Variants in CLIC5 observed in about 807,000 individuals in gnomAD.
CLIC5 encodes the protein chloride intracellular channel protein 5.
CLIC5 carries 20 observed loss-of-function variants against 24.7 expected under a neutral mutation model. The observed-to-expected ratio is 0.81, with a 90% CI of 0.57 to 1.18. The LOEUF (loss-of-function observed/expected upper bound fraction) is 1.18. Ranked by LOEUF, CLIC5 falls within the 50% of genes most tolerant of loss-of-function variation. The pLI is 0.00. For missense variants in CLIC5, 341 were observed against 326.1 expected, an observed-to-expected ratio of 1.05 and a Z score of -0.35; for synonymous variants, 159 against 135.6, an observed-to-expected ratio of 1.17 and a Z score of -1.20.
At position 45,900,441 on chromosome 6, in the gene CLIC5, T is replaced by TCACCACAC. The variant is rs1168086198; in HGVS notation, c.*2639_*2646dup. On this transcript the variant is annotated 3_prime_UTR_variant, in exon 6 of 6. Transcript: ENST00000339561. ...GTTGTTCTTGGGACACCTAAGGACC[T>TCACCACAC]CACCACACTGTTGCTGAGACATGAT... 6.7e-6 allele frequency: 1 copy of TCACCACAC among 150,232 alleles called. No homozygotes were observed. The highest frequency in any genetic ancestry group is 2.5e-5 in the African/African-American group (1 of 40,480). The allele number at this position is 150,232 out of a possible 1,614,324, so 9.3% of individuals were successfully genotyped here.
Position 46,015,468 on chromosome 6 carries a change from A to AC in CLIC5, c.63+11dup. 6.6e-7 allele frequency: 1 copy of AC among 1,516,730 alleles called. No individual in the cohort carries two copies. The highest frequency in any genetic ancestry group is 8.8e-7 in the Non-Finnish European group (1 of 1,130,438). The allele number at this position is 1,516,730 out of a possible 1,614,324, so 94.0% of individuals were successfully genotyped here. A position where few individuals can be genotyped will look rare whatever the true frequency, so the allele number is the denominator to read the frequency against. On this transcript the variant is annotated intron_variant, in intron 1 of 5. Transcript: ENST00000339561. ...CGCGGCAGGTGCGGCGGGAGACTGGACCCCGACCTACCTTCACAAAGAGCT... is the reference window on the plus strand; with the variant it reads ...CGCGGCAGGTGCGGCGGGAGACTGGACCCCCGACCTACCTTCACAAAGAGCT...
chr6:46,025,719 AC>A (rs200972202), intron 1 of CLIC5, among the ~76,000 whole-genome samples: 1 of 152,186 alleles, frequency 6.6e-6, no homozygotes, highest in Non-Finnish European at 1.5e-5. Flanking sequence ...CTGTGTCCCC[AC>A]CCAAATCTCA....
At chr6:46,060,062 A>G (rs1312213905) in intron 1 of CLIC5, among the ~76,000 whole-genome samples, 1 of 152,212 alleles carries the variant, frequency 6.6e-6, no homozygotes, top group Non-Finnish European at 1.5e-5. Flanking sequence ...CAAATATTAA[A>G]AATAAAAAAA....
At chr6:45,887,694 G>T (rs1217075155) in intron 6 of CLIC5, among the ~76,000 whole-genome samples, 1 of 152,134 alleles carries the variant, frequency 6.6e-6, no homozygotes, top group Non-Finnish European at 1.5e-5. Context: ...CTCAGCTTAG[G>T]GTTCACCCTC....
chr6:46,121,455 C>T, the CLIC5 span, among the ~76,000 whole-genome samples: 382 of 145,514 alleles, frequency 2.6e-3, 10 homozygotes, highest in East Asian at 0.058. Context: ...AAGGAACAAC[C>T]GGTACCAGCC....
At chr6:45,939,404 G>T (rs1764053341) in intron 4 of CLIC5, among the ~76,000 whole-genome samples, 1 of 151,418 alleles carries the variant, frequency 6.6e-6, no homozygotes, top group African/African-American at 2.4e-5. Context: ...AGTGGAGACG[G>T]GGGTCTCAGA....
chr6:45,973,701 G>A (rs1765279145), intron 1 of CLIC5, among the ~76,000 whole-genome samples: 1 of 152,200 alleles, frequency 6.6e-6, no homozygotes, highest in Non-Finnish European at 1.5e-5. Context: ...CACTTTGGGA[G>A]GCCGAGGCGG....
chr6:45,988,465 A>G (rs1237403997), intron 1 of CLIC5, among the ~76,000 whole-genome samples: 1 of 152,154 alleles, frequency 6.6e-6, no homozygotes, highest in Non-Finnish European at 1.5e-5. Context: ...TACACTCAGG[A>G]TAATGTTTGA....
At position 46,055,360 on chromosome 6, in the gene CLIC5, C is replaced by T. The variant is rs147996143; in HGVS notation, c.540+24343G>A. Reference sequence around the variant, plus strand: ...TCAGGTGATCTGCCCACTTCAGCCTCCCAAAGTGCTGGGAAAACAGGCGTG... The same window carrying T: ...TCAGGTGATCTGCCCACTTCAGCCTTCCAAAGTGCTGGGAAAACAGGCGTG... On this transcript the variant is annotated intron_variant, in intron 1 of 5. Coordinates refer to the CLIC5 transcript ENST00000185206. 4.4e-3 allele frequency among the ~76,000 whole-genome samples: 674 copies of T among 152,266 alleles called. 6 individuals carry two copies. The highest frequency in any genetic ancestry group is 0.015 in the African/African-American group (641 of 41,540).
At chr6:45,928,516 A>G (rs1763592531) in intron 4 of CLIC5, among the ~76,000 whole-genome samples, 1 of 152,230 alleles carries the variant, frequency 6.6e-6, no homozygotes, top group Non-Finnish European at 1.5e-5. Context: ...CAACTGTGAT[A>G]CTTTCAACCT....
intron 1 of CLIC5, among the ~76,000 whole-genome samples, chr6:45,969,796 GT>G (rs397779323): frequency 0.023 from 2,417 of 105,272 alleles, 43 homozygotes; most frequent in African/African-American, 0.059. Context: ...TCACATCAAG[GT>G]TTTTTTTTTT....
Position 46,023,268 on chromosome 6 carries a change from C to A in CLIC5, c.540+56435G>T, listed in dbSNP as rs78612051. On this transcript the variant is annotated intron_variant, in intron 1 of 5. Coordinates refer to the CLIC5 transcript ENST00000185206. ...TAGAGCTCACCATGTGTTGGGAACT[C>A]TGAAGTCCTTATTAGCTCACTTCAT... is the stretch of plus-strand genomic sequence containing the variant. 2.6e-4 allele frequency among the ~76,000 whole-genome samples: 39 copies of A among 152,246 alleles called. No individual in the cohort carries two copies. The East Asian group carries it at 6.8e-3, about 26-fold the overall frequency.
At chr6:45,952,361 A>C (rs1020254879) in intron 2 of CLIC5, among the ~76,000 whole-genome samples, 1 of 152,188 alleles carries the variant, frequency 6.6e-6, no homozygotes, top group African/African-American at 2.4e-5. Flanking sequence ...TCTTTTCCTT[A>C]CTGGATTGCC....
chr6:45,973,012 A>G (rs1201236006), intron 1 of CLIC5, among the ~76,000 whole-genome samples: 1 of 152,182 alleles, frequency 6.6e-6, no homozygotes, highest in African/African-American at 2.4e-5. Flanking sequence ...CTGCTTGCAA[A>G]TAACAATGGC....
rs113091324 is a variant in CLIC5 at position 46,022,496 on chromosome 6, G to A, written c.540+57207C>T. 1.0e-3 allele frequency among the ~76,000 whole-genome samples: 153 copies of A among 152,304 alleles called. 1 individual carries two copies. The highest frequency in any genetic ancestry group is 3.4e-3 in the Middle Eastern group (1 of 294). On this transcript the variant is annotated intron_variant, in intron 1 of 5. Coordinates refer to the CLIC5 transcript ENST00000185206. ...TATGCCCTTGTGGGAGGACCAACTG[G>A]GTGTAGACGAAGGGAGGTGAATCCT...
chr6:46,007,342 A>C (rs1766621916), intron 1 of CLIC5, among the ~76,000 whole-genome samples: 1 of 152,208 alleles, frequency 6.6e-6, no homozygotes. Context: ...AGATATCACC[A>C]TTCTAGATGT....
intron 1 of CLIC5, among the ~76,000 whole-genome samples, chr6:46,051,166 C>T (rs1456241825): frequency 6.6e-6 from 1 of 152,202 alleles, no homozygotes; most frequent in East Asian, 1.9e-4. Flanking sequence ...TCCTCTCTTG[C>T]ACTTGTAAGC....
intron 1 of CLIC5, among the ~76,000 whole-genome samples, chr6:45,964,361 C>T (rs1307536505): frequency 2.0e-5 from 3 of 152,182 alleles, no homozygotes; most frequent in South Asian, 4.1e-4. Context: ...AACCTTTCCA[C>T]AGCCCCAGCT....
intron 5 of CLIC5, chr6:45,912,023 A>G (rs1762839366): frequency 2.0e-6 from 2 of 985,760 alleles, no homozygotes; most frequent in Admixed American, 6.1e-5. Context: ...GAGAGTGAGC[A>G]TGAAAGCAGC....
Sources: allele counts gnomAD v4.1 joint callset (sites outside exome capture counted in the v4.1 genomes callset), GRCh38; gene constraint gnomAD v4.1.1; transcripts MANE v1.5; gene names NCBI Gene and HGNC (gene_info 2026-07-23, HGNC 2026-07-21).